EPN1: variants seen among roughly 807,000 people sequenced by gnomAD.
EPN1 encodes the protein epsin 1.
Under a neutral mutation model 56.9 loss-of-function variants are expected in EPN1, and 25 were observed. The ratio of observed to expected loss-of-function variants is 0.44; its 90% confidence interval spans 0.32 to 0.61. EPN1 has a LOEUF of 0.61. Among genes scored for constraint, EPN1 ranks in the 20% least tolerant of loss-of-function variants. The pLI is 0.05. For synonymous variants in EPN1, 411 were observed against 361.8 expected, an observed-to-expected ratio of 1.14 and a Z score of -1.54; for missense variants, 785 against 823.7, an observed-to-expected ratio of 0.95 and a Z score of 0.58.
In EPN1 at chr19:55,708,879, C is replaced by G. The variant is rs2287832; in HGVS notation, c.*13523C>G. ...AGGTCCCACTGTGGCCAAGGAAAGC[C>G]TTTGTGAGACGACTACTTCAGGGTG... On this transcript the variant is annotated 3_prime_UTR_variant, in exon 11 of 11. Coordinates refer to ENST00000270460, the MANE Select transcript of EPN1 (RefSeq NM_001130072.2). The G allele has an allele frequency of 0.16, 237,661 of 1,487,322 alleles. 20,660 individuals carry two copies. Among genetic ancestry groups the G allele is most frequent in the African/African-American group, 0.32 (21,776 of 68,540 alleles). The allele number at this position is 1,487,322 out of a possible 1,614,324, so 92.1% of individuals were successfully genotyped here.
chr19:55,688,321 C>T (rs1002495027), intron 3 of EPN1, among the ~76,000 whole-genome samples: 10 of 151,998 alleles, frequency 6.6e-5, no homozygotes, highest in Admixed American at 3.3e-4. Context: ...CTTCCTGTGT[C>T]CTCTCTCTCC....
chr19:55,709,456 T>C lies in EPN1; in HGVS notation c.*14100T>C, dbSNP rs1275024647. 2 of 152,676 alleles carry C rather than the reference T, an allele frequency of 1.3e-5. No homozygotes were observed. The highest frequency in any genetic ancestry group is 4.8e-5 in the African/African-American group (2 of 41,426). 9.5% of individuals were successfully genotyped at this position (152,676 alleles called of 1,614,324 possible). ...ATGTACCCATCACCAACTTCTACAA[T>C]TACCAATATTCAGCCTCTTCCATTT... On this transcript the variant is annotated 3_prime_UTR_variant, in exon 11 of 11. Transcript: ENST00000270460.
At chr19:55,682,866 C>G (rs1985910071) in intron 2 of EPN1, among the ~76,000 whole-genome samples, 1 of 152,086 alleles carries the variant, frequency 6.6e-6, no homozygotes, top group Non-Finnish European at 1.5e-5. Flanking sequence ...AAGCAATTCT[C>G]CTGCCTTAGC....
In EPN1 at chr19:55,705,254, G is replaced by C. The variant is rs1987335122; in HGVS notation, c.*9898G>C. 1 of 152,206 alleles carries C rather than the reference G, an allele frequency of 6.6e-6. No homozygotes were observed. Among genetic ancestry groups the C allele is most frequent in the African/African-American group, 2.4e-5 (1 of 41,454 alleles). 9.4% of individuals were successfully genotyped at this position (152,206 alleles called of 1,614,324 possible). A position where few individuals can be genotyped will look rare whatever the true frequency, so the allele number is the denominator to read the frequency against. The stretch of plus-strand genomic sequence containing the variant: ...TGACTGCAGGGAGATGGGGAGATAT[G>C]TTTTGTAAACCTGTCCAGGCAACTT... On this transcript the variant is annotated 3_prime_UTR_variant, in exon 11 of 11. Transcript: ENST00000270460.
At chr19:55,679,302 C>T (rs889629371) in intron 2 of EPN1, among the ~76,000 whole-genome samples, 4 of 152,266 alleles carry the variant, frequency 2.6e-5, no homozygotes, top group Non-Finnish European at 4.4e-5. Flanking sequence ...GTTTGCTGCT[C>T]TTGGGGTCCA....
intron 2 of EPN1, among the ~76,000 whole-genome samples, chr19:55,682,011 G>A (rs187279444): frequency 3.5e-4 from 54 of 152,212 alleles, no homozygotes; most frequent in South Asian, 2.1e-4. Flanking sequence ...TCACTGTGTT[G>A]CCCAGGCTGG....
Position 55,689,318 on chromosome 19 carries a change from G to A in EPN1, c.625G>A (p.Asp209Asn). Residue 209 changes from aspartate to asparagine, a missense_variant, in exon 5 of 11, where the codon GAC becomes AAC. Around this residue, in one of 2 missense-constraint regions of EPN1, gnomAD observed 650 missense variants for 605.0 expected, o/e 1.07. Transcript: ENST00000270460. The surrounding 1 kb of genome is among the most constrained non-coding windows in gnomAD (Gnocchi z 5.7). The part of the protein sequence containing the change: ...ADQPPSCGPE[D>N]DAQLQLALSL... ...CCAGCCCCCGTCCTGCGGCCCCGAG[G>A]ACGACGCCCAGCTCCAGCTGGCCCT... The A allele has an allele frequency of 6.4e-7, 1 of 1,551,622 alleles. No individual in the cohort carries two copies. The highest frequency in any genetic ancestry group is 8.7e-7 in the Non-Finnish European group (1 of 1,146,936).
chr19:55,695,798 T>C lies in EPN1; in HGVS notation c.*442T>C, dbSNP rs913642406. ...AGATTCCCATCTGTGATTTCGTGTG[T>C]CCCCCAGAGCCCCTTCATCCAGGGA... On this transcript the variant is annotated 3_prime_UTR_variant, in exon 11 of 11. Transcript: ENST00000270460. This position sits in a 1 kb window ranked among gnomAD's most constrained non-coding sequence, Gnocchi z 4.4. The C allele has an allele frequency of 4.9e-5, 8 of 163,090 alleles. No individual in the cohort carries two copies. The highest frequency in any genetic ancestry group is 1.1e-4 in the Non-Finnish European group (8 of 75,224). The allele number at this position is 163,090 out of a possible 1,614,324, so 10.1% of individuals were successfully genotyped here.
In EPN1 at chr19:55,689,235, C is replaced by T. The variant is rs1600104551; in HGVS notation, c.604-62C>T. The T allele has an allele frequency of 3.8e-6, 5 of 1,305,002 alleles. No individual in the cohort carries two copies. Among genetic ancestry groups the T allele is most frequent in the East Asian group, 5.0e-5 (2 of 39,694 alleles). The allele number at this position is 1,305,002 out of a possible 1,614,324, so 80.8% of individuals were successfully genotyped here. A position where few individuals can be genotyped will look rare whatever the true frequency, so the allele number is the denominator to read the frequency against. On this transcript the variant is annotated intron_variant, in intron 4 of 10. Coordinates refer to ENST00000270460, the MANE Select transcript of EPN1 (RefSeq NM_001130072.2). The surrounding 1 kb of genome is among the most constrained non-coding windows in gnomAD (Gnocchi z 5.7). ...TTTCTTCGGCTCTATCTGACCCTGGCTCTGCCTCTGACTCTGCCTCTGGCC... is the reference window on the plus strand; with the variant it reads ...TTTCTTCGGCTCTATCTGACCCTGGTTCTGCCTCTGACTCTGCCTCTGGCC...
rs113664363 is a variant in EPN1 at position 55,703,278 on chromosome 19, CTG to C, written c.*7936_*7937del. The C allele has an allele frequency of 1.5e-4, 22 of 151,378 alleles. No homozygotes were observed. Among genetic ancestry groups the C allele is most frequent in the South Asian group, 4.2e-4 (2 of 4,788 alleles). 9.4% of individuals were successfully genotyped at this position (151,378 alleles called of 1,614,324 possible). On this transcript the variant is annotated 3_prime_UTR_variant, in exon 11 of 11. Transcript: ENST00000270460. Reference sequence around the variant, plus strand: ...GTGCCCTCAACCAAGGAGATAGCTGCTGTGTGTGTGTGTGTTGTGTGTGGTTG... The same window carrying C: ...GTGCCCTCAACCAAGGAGATAGCTGCTGTGTGTGTGTGTTGTGTGTGGTTG...
At chr19:55,679,782 G>A (rs1025578271) in intron 2 of EPN1, among the ~76,000 whole-genome samples, 5 of 152,160 alleles carry the variant, frequency 3.3e-5, no homozygotes, top group East Asian at 1.9e-4. Flanking sequence ...TACCCATCCC[G>A]ACACACCAGG....
At chr19:55,685,970 C>T (rs1986143201) in intron 3 of EPN1, among the ~76,000 whole-genome samples, 3 of 152,198 alleles carry the variant, frequency 2.0e-5, no homozygotes, top group Admixed American at 6.5e-5. Context: ...TGAGGGGACA[C>T]GCACAGTGAC....
intron 9 of EPN1, among the ~76,000 whole-genome samples, chr19:55,693,760 A>C (rs948590159): frequency 2.0e-5 from 3 of 152,188 alleles, no homozygotes; most frequent in African/African-American, 7.2e-5. Context: ...AAAGGCTGGC[A>C]GCTTGCAGGG....
Position 55,701,644 on chromosome 19 carries a change from C to A in EPN1, c.*6288C>A, listed in dbSNP as rs940518576. 3 of 152,054 alleles carry A rather than the reference C, an allele frequency of 2.0e-5. No individual in the cohort carries two copies. The highest frequency in any genetic ancestry group is 7.3e-5 in the African/African-American group (3 of 41,374). 9.4% of individuals were successfully genotyped at this position (152,054 alleles called of 1,614,324 possible). Reference sequence around the variant, plus strand: ...CCTTAAAATACTGAGCTTTCGGGACCCTGCCTGGCTTGTTCCTGTAAAACG... The same window carrying A: ...CCTTAAAATACTGAGCTTTCGGGACACTGCCTGGCTTGTTCCTGTAAAACG... On this transcript the variant is annotated 3_prime_UTR_variant, in exon 11 of 11. Coordinates refer to ENST00000270460, the MANE Select transcript of EPN1 (RefSeq NM_001130072.2).
rs911264008 is a variant in EPN1 at position 55,705,339 on chromosome 19, G to C, written c.*9983G>C. The C allele has an allele frequency of 6.6e-6, 1 of 152,134 alleles. No homozygotes were observed. The highest frequency in any genetic ancestry group is 1.9e-4 in the East Asian group (1 of 5,186). The allele number at this position is 152,134 out of a possible 1,614,324, so 9.4% of individuals were successfully genotyped here. On this transcript the variant is annotated 3_prime_UTR_variant, in exon 11 of 11. Coordinates refer to ENST00000270460, the MANE Select transcript of EPN1 (RefSeq NM_001130072.2). Reference sequence around the variant, plus strand: ...ACCAATGAAAAAAACCTCTCAGAACGATACAGAATCCAGAGCCACTACAAC... The same window carrying C: ...ACCAATGAAAAAAACCTCTCAGAACCATACAGAATCCAGAGCCACTACAAC...
chr19:55,690,094 C>T (rs1986440311), intron 6 of EPN1, 144 bp downstream of exon 6: 1 of 775,772 alleles, frequency 1.3e-6, no homozygotes, highest in African/African-American at 1.7e-5. Flanking sequence ...CTTGGTCGGC[C>T]TCTCTGTGCC....
chr19:55,692,421 C>A (rs183961924), intron 7 of EPN1, among the ~76,000 whole-genome samples: 2 of 151,388 alleles, frequency 1.3e-5, no homozygotes, highest in Non-Finnish European at 3.0e-5. Context: ...GAGGGGTGGC[C>A]GAGCCGTGGG....
chr19:55,690,006 C>T lies in EPN1; in HGVS notation c.762+56C>T, dbSNP rs953379853. 88 of 1,476,454 alleles carry T rather than the reference C, an allele frequency of 6.0e-5. 1 individual carries two copies. In the South Asian group the frequency reaches 6.4e-4, roughly 11 times the overall value. 91.5% of individuals were successfully genotyped at this position (1,476,454 alleles called of 1,614,324 possible). A position where few individuals can be genotyped will look rare whatever the true frequency, so the allele number is the denominator to read the frequency against. On this transcript the variant is annotated intron_variant, in intron 6 of 10. Transcript: ENST00000270460. The stretch of plus-strand genomic sequence containing the variant: ...CCCTGCAGGTGTCCGTCCGTCCCAT[C>T]GCTCATTCCTGCGTGGCCAGGTCCC...
At position 55,705,803 on chromosome 19, in the gene EPN1, T is replaced by C. The variant is rs1568587411; in HGVS notation, c.*10447T>C. On this transcript the variant is annotated 3_prime_UTR_variant, in exon 11 of 11. Coordinates refer to ENST00000270460, the MANE Select transcript of EPN1 (RefSeq NM_001130072.2). ...ACATTGTGGCTGGAATATTTGTTGT[T>C]GTGGGATATATATATATATATATAT... The C allele has an allele frequency of 1.3e-5, 1 of 74,970 alleles. No individual in the cohort carries two copies. 4.6% of individuals were successfully genotyped at this position (74,970 alleles called of 1,614,324 possible).
Sources: allele counts gnomAD v4.1 joint callset (sites outside exome capture counted in the v4.1 genomes callset), GRCh38; gene constraint gnomAD v4.1.1; regional missense constraint gnomAD v4.1.1; non-coding constraint Gnocchi (gnomAD v3.1); transcripts MANE v1.5; gene names NCBI Gene and HGNC (gene_info 2026-07-23, HGNC 2026-07-21).